The following PDE1A variants were observed in gnomAD, a reference collection of about 807,000 sequenced individuals.
The protein encoded by PDE1A is dual specificity calcium/calmodulin-dependent 3',5'-cyclic nucleotide phosphodiesterase 1A.
In PDE1A, 35 loss-of-function variants were observed where a neutral mutation model predicts 61.7. The ratio of observed to expected loss-of-function variants is 0.57; its 90% CI spans 0.43 to 0.75. PDE1A has a LOEUF of 0.75. PDE1A is among the 30% of genes least tolerant of loss of function. PDE1A has a pLI of 0.00. For missense variants in PDE1A, 597 were observed against 630.6 expected (o/e 0.95, Z 0.57); for synonymous variants, 232 against 213.2 (o/e 1.09, Z -0.77).
At chr2:182,593,718 T>G in the PDE1A span, among the ~76,000 whole-genome samples, 2 of 152,214 alleles carry the variant, frequency 1.3e-5, no homozygotes, top group Non-Finnish European at 2.9e-5. Flanking sequence ...TACCTGTTTG[T>G]CTCTACCACT....
chr2:182,362,832 T>G (rs577381607), intron 1 of PDE1A, among the ~76,000 whole-genome samples: 1 of 152,042 alleles, frequency 6.6e-6, no homozygotes, highest in African/African-American at 2.4e-5. Context: ...CCATCAATGA[T>G]AGACTGGATA....
At chr2:182,542,927 A>T in the PDE1A span, among the ~76,000 whole-genome samples, 1 of 152,208 alleles carries the variant, frequency 6.6e-6, no homozygotes, top group Non-Finnish European at 1.5e-5. Context: ...GATAAAGGAA[A>T]TTAGAGTGTA....
At chr2:182,518,146 T>C (rs908977914) in intron 2 of PDE1A, among the ~76,000 whole-genome samples, 2 of 152,176 alleles carry the variant, frequency 1.3e-5, no homozygotes, top group African/African-American at 4.8e-5. Flanking sequence ...AATTTGTGTC[T>C]TATCTATAAT....
chr2:182,250,069 T>C (rs376526030), intron 2 of PDE1A, among the ~76,000 whole-genome samples: 3 of 152,216 alleles, frequency 2.0e-5, no homozygotes, highest in African/African-American at 7.2e-5. Flanking sequence ...GAGTTACTGA[T>C]TGATAAGTTA....
intron 2 of PDE1A, among the ~76,000 whole-genome samples, chr2:182,491,567 C>T (rs1688396706): frequency 6.6e-6 from 1 of 152,178 alleles, no homozygotes; most frequent in Admixed American, 6.5e-5. Context: ...TTTGACCCAG[C>T]ATACTTACTT....
intron 2 of PDE1A, among the ~76,000 whole-genome samples, chr2:182,480,630 G>A (rs1014350711): frequency 1.3e-5 from 2 of 151,950 alleles, no homozygotes; most frequent in Admixed American, 1.3e-4. Flanking sequence ...GATATTATAA[G>A]TAACTAGAGA....
intron 1 of PDE1A, among the ~76,000 whole-genome samples, chr2:182,309,533 TCA>T (rs1469165717): frequency 6.6e-6 from 1 of 152,090 alleles, no homozygotes; most frequent in Non-Finnish European, 1.5e-5. Flanking sequence ...ACTGATGAAG[TCA>T]CAGTTACCTT....
At chr2:182,185,797 C>A in intron 13 of PDE1A, 95 bp downstream of exon 13, 1 of 1,577,428 alleles carries the variant, frequency 6.3e-7, no homozygotes, top group Non-Finnish European at 8.6e-7. Flanking sequence ...CTTACATATT[C>A]TATAGAAGAA....
intron 2 of PDE1A, among the ~76,000 whole-genome samples, chr2:182,515,769 G>A (rs558989645): frequency 6.6e-6 from 1 of 152,248 alleles, no homozygotes; most frequent in East Asian, 1.9e-4. Context: ...TTTGACATTT[G>A]AAATGAATCC....
At chr2:182,219,312 A>G (rs1399631653) in intron 7 of PDE1A, among the ~76,000 whole-genome samples, 1 of 152,108 alleles carries the variant, frequency 6.6e-6, no homozygotes, top group East Asian at 1.9e-4. Context: ...ATAAATTGGT[A>G]TACTTCAAGT....
chr2:182,488,930 A>C (rs1688198705), intron 2 of PDE1A, among the ~76,000 whole-genome samples: 1 of 152,240 alleles, frequency 6.6e-6, no homozygotes, highest in African/African-American at 2.4e-5. Flanking sequence ...AAGCAAAGTA[A>C]AAGTGCCTGC....
At chr2:182,445,171 T>G (rs1032830539) in intron 2 of PDE1A, among the ~76,000 whole-genome samples, 2 of 152,094 alleles carry the variant, frequency 1.3e-5, no homozygotes, top group African/African-American at 4.8e-5. Context: ...AAGAAAAGTT[T>G]TACTTCTTAA....
At chr2:182,688,381 C>A in the PDE1A span, among the ~76,000 whole-genome samples, 1 of 152,190 alleles carries the variant, frequency 6.6e-6, no homozygotes, top group Non-Finnish European at 1.5e-5. Context: ...ATACAACATT[C>A]TTAAAGAAAA....
the PDE1A span, among the ~76,000 whole-genome samples, chr2:182,658,209 G>A: frequency 6.6e-6 from 1 of 152,142 alleles, no homozygotes. Context: ...CAAAGTCAAA[G>A]AATCAGCAAG....
the PDE1A span, among the ~76,000 whole-genome samples, chr2:182,558,392 T>C: frequency 2.6e-5 from 4 of 152,198 alleles, no homozygotes; most frequent in East Asian, 1.9e-4. Flanking sequence ...TTAATATACA[T>C]ATTAATGGCT....
intron 1 of PDE1A, among the ~76,000 whole-genome samples, chr2:182,299,708 C>G (rs1004551795): frequency 6.6e-6 from 1 of 151,902 alleles, no homozygotes; most frequent in African/African-American, 2.4e-5. Flanking sequence ...TATACAACTG[C>G]TGAAATGATA....
chr2:182,402,510 A>C (rs529307007), intron 1 of PDE1A, among the ~76,000 whole-genome samples: 1 of 152,352 alleles, frequency 6.6e-6, no homozygotes, highest in Non-Finnish European at 1.5e-5. Flanking sequence ...CTTATACCTT[A>C]TACAGAAATC....
At chr2:182,399,340 C>A (rs927784833) in intron 1 of PDE1A, among the ~76,000 whole-genome samples, 3 of 151,932 alleles carry the variant, frequency 2.0e-5, no homozygotes, top group Non-Finnish European at 2.9e-5. Context: ...CAGAACAGTT[C>A]CATCAGCCAA....
At chr2:182,639,270 G>C in the PDE1A span, among the ~76,000 whole-genome samples, 9 of 152,082 alleles carry the variant, frequency 5.9e-5, no homozygotes, top group Non-Finnish European at 1.3e-4. Context: ...TGACCTGAGA[G>C]AACTCAGGAA....
Sources: allele counts gnomAD v4.1 joint callset (sites outside exome capture counted in the v4.1 genomes callset), GRCh38; gene constraint gnomAD v4.1.1; transcripts MANE v1.5; gene names NCBI Gene and HGNC (gene_info 2026-07-23, HGNC 2026-07-21).